Variants in STARD6 observed in about 807,000 individuals in gnomAD.
STARD6 encodes stAR-related lipid transfer protein 6.
In STARD6, 21 loss-of-function variants were observed where a neutral mutation model predicts 22.3. The ratio of observed to expected loss-of-function variants is 0.94; its 90% CI spans 0.67 to 1.35. The LOEUF (loss-of-function observed/expected upper bound fraction) is 1.35, where lower values mean the gene tolerates loss of function less well. Among genes scored for constraint, STARD6 ranks in the 40% most tolerant of loss-of-function variants. The probability of loss-of-function intolerance (pLI) is 0.00; values close to 1 mark genes in which losing one functional copy is unlikely to be tolerated. For missense variants in STARD6, 269 were observed against 266.9 expected (o/e 1.01, Z -0.05); for synonymous variants, 80 against 88.1 (o/e 0.91, Z 0.52).
chr18:54,357,439 A>G (rs2089162535), intron 1 of STARD6, among the ~76,000 whole-genome samples: 1 of 152,134 alleles, frequency 6.6e-6, no homozygotes, highest in Non-Finnish European at 1.5e-5. Context: ...GAGGAAAGGC[A>G]CTGAAGAGGG....
chr18:54,337,995 G>A (rs925284652), intron 4 of STARD6, among the ~76,000 whole-genome samples: 7 of 152,126 alleles, frequency 4.6e-5, no homozygotes, highest in African/African-American at 1.7e-4. Flanking sequence ...CATCTCTGGG[G>A]TCTGGAAGGC....
At chr18:54,351,483 T>A (rs763329537) in intron 4 of STARD6, among the ~76,000 whole-genome samples, 3 of 152,196 alleles carry the variant, frequency 2.0e-5, no homozygotes, top group Non-Finnish European at 4.4e-5. Context: ...CAGTACTATG[T>A]TGAATAGAAG....
At chr18:54,343,760 G>C (rs1599306252) in intron 4 of STARD6, among the ~76,000 whole-genome samples, 2 of 80,814 alleles carry the variant, frequency 2.5e-5, no homozygotes, top group Admixed American at 1.0e-4. Context: ...GCCCCGTCCG[G>C]GAGGGAGGTG....
At chr18:54,332,863 A>G (rs1049034524) in intron 5 of STARD6, among the ~76,000 whole-genome samples, 2 of 152,142 alleles carry the variant, frequency 1.3e-5, no homozygotes, top group African/African-American at 4.8e-5. Context: ...TTTGATCACA[A>G]CACTGCACTC....
chr18:54,347,182 C>G (rs1333399127), intron 4 of STARD6, among the ~76,000 whole-genome samples: 1 of 151,978 alleles, frequency 6.6e-6, no homozygotes, highest in African/African-American at 2.4e-5. Context: ...AACAAAAATT[C>G]TTAATGTCTC....
chr18:54,328,143 C>T (rs181028979), intron 7 of STARD6, among the ~76,000 whole-genome samples: 15 of 152,222 alleles, frequency 9.9e-5, no homozygotes, highest in African/African-American at 3.4e-4. Context: ...TGGGTTTAGG[C>T]ATTTACTTGG....
At chr18:54,341,336 G>A (rs1003096487) in intron 4 of STARD6, among the ~76,000 whole-genome samples, 1 of 152,196 alleles carries the variant, frequency 6.6e-6, no homozygotes, top group African/African-American at 2.4e-5. Context: ...TGGGATTACA[G>A]GCGTGAGCCA....
intron 1 of STARD6, among the ~76,000 whole-genome samples, chr18:54,357,546 G>T (rs1159067972): frequency 6.6e-6 from 1 of 152,218 alleles, no homozygotes; most frequent in African/African-American, 2.4e-5. Context: ...GAACTCACTT[G>T]GAAAAACTGG....
chr18:54,338,555 C>G (rs1226991281), intron 4 of STARD6, among the ~76,000 whole-genome samples: 2 of 151,908 alleles, frequency 1.3e-5, no homozygotes, highest in Non-Finnish European at 2.9e-5. Context: ...AATGACCAAA[C>G]AAATAACCAC....
chr18:54,356,979 A>C (rs1312167081), intron 1 of STARD6: 1 of 152,242 alleles, frequency 6.6e-6, no homozygotes, highest in Non-Finnish European at 1.5e-5. Context: ...GCTAAGAGAA[A>C]AGGGAAGGTA....
intron 4 of STARD6, among the ~76,000 whole-genome samples, chr18:54,347,501 T>C (rs1400303027): frequency 5.9e-5 from 9 of 152,122 alleles, no homozygotes. Flanking sequence ...CCCCAAATTC[T>C]ATTTTAAAAA....
intron 4 of STARD6, among the ~76,000 whole-genome samples, chr18:54,342,480 C>T (rs551045522): frequency 4.7e-5 from 6 of 127,510 alleles, no homozygotes; most frequent in East Asian, 2.0e-4. Context: ...TCTCCGTCTC[C>T]GTCTCCGTCT....
At chr18:54,330,921 C>A (rs995211821) in intron 6 of STARD6, among the ~76,000 whole-genome samples, 3 of 152,038 alleles carry the variant, frequency 2.0e-5, no homozygotes, top group Non-Finnish European at 1.5e-5. Flanking sequence ...TTATGAACAT[C>A]AGCCCTTAGT....
At chr18:54,329,673 C>T (rs1011175176) in intron 6 of STARD6, among the ~76,000 whole-genome samples, 10 of 151,942 alleles carry the variant, frequency 6.6e-5, no homozygotes, top group African/African-American at 1.7e-4. Flanking sequence ...ATGCTGTCAA[C>T]TTCTGTATAC....
chr18:54,329,509 T>G, intron 6 of STARD6, 69 bp from the exon 7 acceptor site: 1 of 1,264,220 alleles, frequency 7.9e-7, no homozygotes, highest in Non-Finnish European at 1.1e-6. Flanking sequence ...AGCAGCATAT[T>G]TTTAGAAACA....
chr18:54,355,838 C>T (rs1460934852), intron 2 of STARD6: 1 of 152,174 alleles, frequency 6.6e-6, no homozygotes. Flanking sequence ...ATCCAGCTTT[C>T]AGTTAGGGGA....
In STARD6 at chr18:54,331,639, G is replaced by A. The variant is rs1032040323; in HGVS notation, c.385+103C>T. On this transcript the variant is annotated intron_variant, in intron 6 of 7. Transcript: ENST00000307844. ...TGATCCCACTAAGTAAATTTAAAAA[G>A]GAAATAATTAAAATATAATTTCTTT... The A allele has an allele frequency of 1.2e-5, 10 of 824,544 alleles. No homozygotes were observed. The Admixed American group carries it at 1.4e-4, about 12-fold the overall frequency. 51.1% of individuals were successfully genotyped at this position (824,544 alleles called of 1,614,324 possible).
At chr18:54,336,173 C>G (rs1178915151) in intron 5 of STARD6, among the ~76,000 whole-genome samples, 1 of 152,082 alleles carries the variant, frequency 6.6e-6, no homozygotes, top group Non-Finnish European at 1.5e-5. Flanking sequence ...TGTTTTTATT[C>G]TCTCTCTTTA....
intron 1 of STARD6, chr18:54,357,097 A>T (rs2089154979): frequency 6.6e-6 from 1 of 152,250 alleles, no homozygotes; most frequent in Non-Finnish European, 1.5e-5. Context: ...ATTCAGATGG[A>T]CTCATGGTCA....
Sources: gnomAD v4.1 joint callset for allele counts (sites outside exome capture counted in the v4.1 genomes callset) on GRCh38, gnomAD v4.1.1 for gene constraint, MANE v1.5 for transcripts, NCBI Gene and HGNC (gene_info 2026-07-23, HGNC 2026-07-21) for gene names.